The following CEP63 variants were observed in gnomAD, a reference collection of about 807,000 sequenced individuals.
CEP63 encodes the protein centrosomal protein of 63 kDa.
Under a neutral mutation model 89.1 loss-of-function variants are expected in CEP63, and 84 were observed. That is an observed-to-expected ratio of 0.94 (90% CI 0.79 to 1.13). The LOEUF (loss-of-function observed/expected upper bound fraction) is 1.13. CEP63 is among the 50% of genes most tolerant of loss of function. The pLI, the probability that CEP63 is intolerant of heterozygous loss-of-function variation, is 0.00. For missense variants in CEP63, 838 were observed against 813.3 expected (o/e 1.03, Z -0.37); for synonymous variants, 267 against 272.5 (o/e 0.98, Z 0.20).
the CEP63 span, among the ~76,000 whole-genome samples, chr3:134,745,214 C>A: frequency 1.3e-5 from 2 of 152,188 alleles, no homozygotes. Flanking sequence ...TCAGGGATAA[C>A]AATTCTTTGT....
chr3:134,734,862 T>A, the CEP63 span, among the ~76,000 whole-genome samples: 1 of 152,180 alleles, frequency 6.6e-6, no homozygotes. Flanking sequence ...ATACATTCAT[T>A]CGTCATTGTC....
At chr3:134,591,327 TA>T, downstream of CEP63, among the ~76,000 whole-genome samples, 1 of 152,254 alleles carries the variant, frequency 6.6e-6, no homozygotes. Context: ...CTGAAATTCA[TA>T]ATCACAAGCC....
chr3:134,536,292 A>T (rs1197589399), intron 5 of CEP63: 1 of 152,198 alleles, frequency 6.6e-6, no homozygotes, highest in East Asian at 1.9e-4. Flanking sequence ...TGTATCCCTG[A>T]CTCCTAAAGC....
At chr3:134,656,243 G>A in the CEP63 span, among the ~76,000 whole-genome samples, 1 of 152,166 alleles carries the variant, frequency 6.6e-6, no homozygotes, top group East Asian at 1.9e-4. Flanking sequence ...TAGGAGAGAG[G>A]GACAGGCTTT....
chr3:134,491,066 G>A (rs369275697), intron 1 of CEP63, among the ~76,000 whole-genome samples: 53 of 152,308 alleles, frequency 3.5e-4, no homozygotes, highest in African/African-American at 1.2e-3. Flanking sequence ...TTTTGCCAAT[G>A]AGCCTGTGGG....
the CEP63 span, among the ~76,000 whole-genome samples, chr3:134,703,049 A>C: frequency 6.6e-6 from 1 of 152,146 alleles, no homozygotes; most frequent in Non-Finnish European, 1.5e-5. Context: ...TAATCCCAGC[A>C]CTTTGGGAGG....
intron 6 of CEP63, among the ~76,000 whole-genome samples, chr3:134,542,043 T>C (rs1230268763): frequency 6.6e-6 from 1 of 152,084 alleles, no homozygotes; most frequent in African/African-American, 2.4e-5. Context: ...AAGGAAATCT[T>C]AGAGAACAGT....
intron 14 of CEP63, among the ~76,000 whole-genome samples, chr3:134,560,679 T>C (rs1957186449): frequency 6.6e-6 from 1 of 152,122 alleles, no homozygotes; most frequent in African/African-American, 2.4e-5. Context: ...ATACAGAATC[T>C]ACCAGAATGA....
At chr3:134,606,855 A>C in the CEP63 span, 6 of 906,560 alleles carry the variant, frequency 6.6e-6, no homozygotes, top group South Asian at 5.1e-5. Flanking sequence ...GCACTCTCCT[A>C]GAGCCTGGCA....
chr3:134,490,798 C>T (rs1214464441), intron 1 of CEP63, among the ~76,000 whole-genome samples: 5 of 152,078 alleles, frequency 3.3e-5, no homozygotes, highest in Admixed American at 2.6e-4. Context: ...TCTACATGGA[C>T]AAACATACCT....
intron 10 of CEP63, among the ~76,000 whole-genome samples, chr3:134,587,442 C>T (rs567824925): frequency 4.6e-5 from 7 of 152,308 alleles, no homozygotes; most frequent in African/African-American, 1.7e-4. Context: ...TTCCTTCTAA[C>T]AGTCAGGTCT....
At chr3:134,678,914 C>T in the CEP63 span, among the ~76,000 whole-genome samples, 2 of 152,100 alleles carry the variant, frequency 1.3e-5, no homozygotes, top group Non-Finnish European at 2.9e-5. Context: ...CAAATGGGCC[C>T]CTAACATATG....
At chr3:134,661,995 C>T in the CEP63 span, among the ~76,000 whole-genome samples, 174 of 152,246 alleles carry the variant, frequency 1.1e-3, no homozygotes, top group African/African-American at 4.0e-3. Context: ...AAGAAGGTGC[C>T]GGCTGGGCAT....
the CEP63 span, among the ~76,000 whole-genome samples, chr3:134,606,802 T>C: frequency 4.0e-4 from 61 of 151,620 alleles, 1 homozygote; most frequent in Admixed American, 4.0e-3. Flanking sequence ...CCACGGCTCT[T>C]CCAGTCCCCT....
Position 134,515,486 on chromosome 3 carries a change from C to G in CEP63, c.222+8200C>G, listed in dbSNP as rs548304740. On this transcript the variant is annotated intron_variant, in intron 3 of 14. Transcript: ENST00000675561. ...AATATATAACATGCAAACAGTTTGACTAGAAAGATGGTATAACTATATTCT... is the reference window on the plus strand; with the variant it reads ...AATATATAACATGCAAACAGTTTGAGTAGAAAGATGGTATAACTATATTCT... Among the ~76,000 whole-genome samples the G allele has an allele frequency of 2.1e-3, 313 of 152,162 alleles. 6 individuals carry two copies. Among genetic ancestry groups the G allele is most frequent in the African/African-American group, 7.2e-3 (299 of 41,518 alleles).
intron 6 of CEP63, among the ~76,000 whole-genome samples, chr3:134,544,920 T>C (rs1413903670): frequency 6.6e-6 from 1 of 152,170 alleles, no homozygotes; most frequent in African/African-American, 2.4e-5. Flanking sequence ...CGATCTTGGC[T>C]CACTGCAACT....
the CEP63 span, among the ~76,000 whole-genome samples, chr3:134,633,502 A>G: frequency 0.61 from 92,797 of 151,946 alleles, 28,966 homozygotes; most frequent in East Asian, 0.85. Context: ...AAGACAAACT[A>G]CTAGGATCAC....
the CEP63 span, chr3:134,607,140 G>T: frequency 4.1e-6 from 4 of 985,286 alleles, no homozygotes; most frequent in African/African-American, 7.0e-5. Context: ...AGTTCTTTCC[G>T]ATATTTCCAC....
the CEP63 span, among the ~76,000 whole-genome samples, chr3:134,606,159 A>G: frequency 5.3e-5 from 8 of 152,072 alleles, no homozygotes; most frequent in Non-Finnish European, 1.0e-4. Context: ...GTCCTGTTCC[A>G]TCTCACAACT....
Sources: allele counts gnomAD v4.1 joint callset (sites outside exome capture counted in the v4.1 genomes callset), GRCh38; gene constraint gnomAD v4.1.1; transcripts MANE v1.5; gene names NCBI Gene and HGNC (gene_info 2026-07-23, HGNC 2026-07-21).